Variants in RALYL observed in about 807,000 individuals in gnomAD.
RALYL encodes RALY RNA binding protein like, also known as RNA-binding Raly-like protein.
In RALYL, 29 loss-of-function variants were observed where a neutral mutation model predicts 35.1. That is an observed-to-expected ratio of 0.83 (90% CI 0.61 to 1.13). The LOEUF (loss-of-function observed/expected upper bound fraction) is 1.13. Ranked by LOEUF, RALYL falls within the 50% of genes most tolerant of loss-of-function variation. The pLI, the probability that RALYL is intolerant of heterozygous loss-of-function variation, is 0.00. For synonymous variants in RALYL, 120 were observed against 127.6 expected, an observed-to-expected ratio of 0.94 and a Z score of 0.40; for missense variants, 359 against 360.4, an observed-to-expected ratio of 1.00 and a Z score of 0.03.
At chr8:84,871,096 G>A (rs985535875) in intron 6 of RALYL, among the ~76,000 whole-genome samples, 34 of 152,134 alleles carry the variant, frequency 2.2e-4, no homozygotes, top group African/African-American at 7.7e-4. Context: ...CAGGATTTCC[G>A]TGTTACATTT....
chr8:84,642,692 T>C (rs956259880), intron 2 of RALYL, among the ~76,000 whole-genome samples: 4 of 152,076 alleles, frequency 2.6e-5, no homozygotes, highest in Admixed American at 2.0e-4. Flanking sequence ...TGTTGGAAGC[T>C]GTTTTTCCCC....
intron 4 of RALYL, among the ~76,000 whole-genome samples, chr8:84,814,880 G>C (rs1306622412): frequency 6.6e-6 from 1 of 152,294 alleles, no homozygotes; most frequent in East Asian, 1.9e-4. Context: ...AGGCATGAAA[G>C]CTCATCCCAA....
At chr8:84,307,308 G>A (rs986578633) in intron 1 of RALYL, among the ~76,000 whole-genome samples, 3 of 151,984 alleles carry the variant, frequency 2.0e-5, no homozygotes, top group African/African-American at 7.3e-5. Context: ...ACCTATCTTG[G>A]CAGATATATT....
intron 1 of RALYL, among the ~76,000 whole-genome samples, chr8:84,199,848 T>C (rs1816398238): frequency 2.0e-5 from 3 of 152,134 alleles, no homozygotes; most frequent in Admixed American, 2.0e-4. Flanking sequence ...CTGTTCCAAA[T>C]GTTGAAATTT....
chr8:84,375,782 A>G (rs1363659757), intron 1 of RALYL, among the ~76,000 whole-genome samples: 1 of 151,864 alleles, frequency 6.6e-6, no homozygotes, highest in Non-Finnish European at 1.5e-5. Context: ...TCCAACGAAG[A>G]TTTTGAAATA....
chr8:84,794,608 G>T (rs910115296), intron 3 of RALYL, among the ~76,000 whole-genome samples: 1 of 152,166 alleles, frequency 6.6e-6, no homozygotes, highest in African/African-American at 2.4e-5. Flanking sequence ...GAATTGTGTG[G>T]ACTCCCTTCC....
In RALYL at chr8:84,898,271, T is replaced by C. The variant is rs113615732; in HGVS notation, c.858+10495T>C. ...GTCCTCTATGTTTTAACACGCATTC[T>C]AGGTGATTGTGGTGCCTACTGAAGT... On this transcript the variant is annotated intron_variant, in intron 8 of 8. Coordinates refer to ENST00000521268, the MANE Select transcript of RALYL (RefSeq NM_173848.7). Among the ~76,000 whole-genome samples the C allele has an allele frequency of 2.6e-3, 391 of 152,300 alleles. 1 individual carries two copies. Among genetic ancestry groups the C allele is most frequent in the African/African-American group, 8.6e-3 (358 of 41,572 alleles).
Position 84,453,338 on chromosome 8 carries a change from A to G in RALYL, c.-23-75961A>G, listed in dbSNP as rs149520010. Among the ~76,000 whole-genome samples the G allele has an allele frequency of 2.3e-3, 345 of 152,126 alleles. 3 individuals are homozygous for G. The highest frequency in any genetic ancestry group is 7.3e-3 in the African/African-American group (305 of 41,550). ...AGAGCCTTCAATATGTCTACTTCAG[A>G]CATGATATCTATGAAGGTAATAGGA... is the stretch of plus-strand genomic sequence containing the variant. On this transcript the variant is annotated intron_variant, in intron 1 of 8. Coordinates refer to ENST00000521268, the MANE Select transcript of RALYL (RefSeq NM_173848.7).
intron 2 of RALYL, among the ~76,000 whole-genome samples, chr8:84,769,737 A>G (rs558629483): frequency 6.6e-6 from 1 of 152,296 alleles, no homozygotes; most frequent in South Asian, 2.1e-4. Flanking sequence ...ACTCTGTCTC[A>G]GAGAAAAACA....
intron 4 of RALYL, among the ~76,000 whole-genome samples, chr8:84,830,464 GC>G (rs1563697316): frequency 6.6e-6 from 1 of 152,128 alleles, no homozygotes; most frequent in African/African-American, 2.4e-5. Context: ...CAAGATGACA[GC>G]TTTGTAACAG....
At chr8:84,224,505 TCTGTGCA>T (rs1823346612) in intron 1 of RALYL, among the ~76,000 whole-genome samples, 1 of 152,168 alleles carries the variant, frequency 6.6e-6, no homozygotes, top group Admixed American at 6.5e-5. Flanking sequence ...GCCAGTGTTC[TCTGTGCA>T]CAGAGAACAC....
At chr8:84,304,665 GAA>G (rs1841470467) in intron 1 of RALYL, among the ~76,000 whole-genome samples, 1 of 152,042 alleles carries the variant, frequency 6.6e-6, no homozygotes, top group Non-Finnish European at 1.5e-5. Flanking sequence ...AGTTTTTAAA[GAA>G]AAGTCATAGG....
chr8:84,596,592 T>C (rs148206463), intron 2 of RALYL, among the ~76,000 whole-genome samples: 39 of 152,292 alleles, frequency 2.6e-4, no homozygotes, highest in East Asian at 2.3e-3. Context: ...TCCCCTGTGA[T>C]GAGTCTGTGG....
chr8:84,311,972 A>T (rs1238252625), intron 1 of RALYL, among the ~76,000 whole-genome samples: 1 of 152,302 alleles, frequency 6.6e-6, no homozygotes, highest in East Asian at 1.9e-4. Flanking sequence ...CCATTCTCAC[A>T]CTGCTGTAAA....
chr8:84,554,028 C>T (rs2060928131), intron 2 of RALYL, among the ~76,000 whole-genome samples: 1 of 152,052 alleles, frequency 6.6e-6, no homozygotes. Flanking sequence ...TAATCACATC[C>T]CTAATAGAGT....
chr8:84,362,821 T>G (rs1369130456), intron 1 of RALYL, among the ~76,000 whole-genome samples: 1 of 152,156 alleles, frequency 6.6e-6, no homozygotes, highest in Non-Finnish European at 1.5e-5. Context: ...TTTGAGAATA[T>G]ATTGAAGGCT....
intron 1 of RALYL, among the ~76,000 whole-genome samples, chr8:84,508,720 G>C (rs1472961903): frequency 6.6e-6 from 1 of 151,868 alleles, no homozygotes; most frequent in Admixed American, 6.6e-5. Context: ...ATCAAAAAAA[G>C]TGTTAACCAT....
chr8:84,910,685 T>C (rs935944191), intron 8 of RALYL, among the ~76,000 whole-genome samples: 3 of 152,048 alleles, frequency 2.0e-5, no homozygotes, highest in African/African-American at 4.8e-5. Context: ...TCAGTACTGA[T>C]TGCACTTCAG....
At chr8:84,667,294 T>G (rs1294801713) in intron 2 of RALYL, among the ~76,000 whole-genome samples, 1 of 152,082 alleles carries the variant, frequency 6.6e-6, no homozygotes, top group Non-Finnish European at 1.5e-5. Flanking sequence ...GTTGAGTACT[T>G]CCATCAAGAG....
Sources: gnomAD v4.1 joint callset for allele counts (sites outside exome capture counted in the v4.1 genomes callset) on GRCh38, gnomAD v4.1.1 for gene constraint, MANE v1.5 for transcripts, NCBI Gene and HGNC (gene_info 2026-07-23, HGNC 2026-07-21) for gene names.